Variants in PCDH15 observed in about 807,000 individuals in gnomAD.
PCDH15 encodes protocadherin related 15.
Under a neutral mutation model 178.5 loss-of-function variants are expected in PCDH15, and 129 were observed. The ratio of observed to expected loss-of-function variants is 0.72; its 90% CI spans 0.63 to 0.84. PCDH15 has a LOEUF of 0.84. PCDH15 is among the 40% of genes least tolerant of loss of function. The probability of loss-of-function intolerance (pLI) is 0.00; values close to 1 mark genes in which losing one functional copy is unlikely to be tolerated. For missense variants in PCDH15, 2,230 were observed against 2,099.9 expected (o/e 1.06, Z -1.21); for synonymous variants, 800 against 732.0 (o/e 1.09, Z -1.50).
chr10:54,393,981 T>C (rs539681366), intron 3 of PCDH15, among the ~76,000 whole-genome samples: 2 of 150,706 alleles, frequency 1.3e-5, no homozygotes, highest in East Asian at 3.9e-4. Flanking sequence ...TGTTTTAGGA[T>C]GGTGAAGGAA....
intron 3 of PCDH15, among the ~76,000 whole-genome samples, chr10:54,460,541 A>T (rs1417558402): frequency 1.3e-5 from 2 of 152,108 alleles, no homozygotes; most frequent in African/African-American, 4.8e-5. Flanking sequence ...AACACCAAGA[A>T]ATAAGCAAGT....
intron 2 of PCDH15, among the ~76,000 whole-genome samples, chr10:55,092,028 T>C (rs1197580454): frequency 6.6e-6 from 1 of 151,908 alleles, no homozygotes; most frequent in Admixed American, 6.6e-5. Context: ...CATTCCATTT[T>C]TCACAGAAAT....
At chr10:54,644,774 A>G (rs1013302656) in intron 2 of PCDH15, among the ~76,000 whole-genome samples, 4 of 152,190 alleles carry the variant, frequency 2.6e-5, no homozygotes, top group Non-Finnish European at 5.9e-5. Context: ...TTAAACATCA[A>G]TGCAACAACA....
intron 2 of PCDH15, among the ~76,000 whole-genome samples, chr10:55,123,066 G>C (rs1837812410): frequency 6.6e-6 from 1 of 151,904 alleles, no homozygotes; most frequent in African/African-American, 2.4e-5. Flanking sequence ...ATGGAAAAAG[G>C]TAGGATATCT....
intron 2 of PCDH15, among the ~76,000 whole-genome samples, chr10:54,657,808 T>C (rs1246219435): frequency 6.6e-6 from 1 of 152,194 alleles, no homozygotes; most frequent in Non-Finnish European, 1.5e-5. Context: ...GTAGAGTGTT[T>C]TGACATCTCT....
At chr10:53,916,076 C>T (rs1198721706) in intron 25 of PCDH15, among the ~76,000 whole-genome samples, 1 of 152,122 alleles carries the variant, frequency 6.6e-6, no homozygotes, top group African/African-American at 2.4e-5. Flanking sequence ...CTCCAGATAA[C>T]TTATAATACC....
At chr10:54,800,424 A>G (rs1952549935) in intron 1 of PCDH15, among the ~76,000 whole-genome samples, 1 of 152,180 alleles carries the variant, frequency 6.6e-6, no homozygotes, top group Non-Finnish European at 1.5e-5. Flanking sequence ...TATACTCACA[A>G]AAGACAAAAA....
rs1491229343 is a variant in PCDH15 at position 54,731,564 on chromosome 10, A to ATATATATATG, written c.-28-67275_-28-67274insCATATATATA. ...GAGATAGATATATATATATATATATACACACACACACACACACACACACAC... is the reference window on the plus strand; with the variant it reads ...GAGATAGATATATATATATATATATATATATATATGCACACACACACACACACACACACAC... On this transcript the variant is annotated intron_variant, in intron 1 of 37. Coordinates refer to ENST00000644397, the MANE Select transcript of PCDH15 (RefSeq NM_001384140.1). Among the ~76,000 whole-genome samples, 64 of 43,350 alleles carry ATATATATATG rather than the reference A, an allele frequency of 1.5e-3. 4 individuals are homozygous for ATATATATATG. The East Asian group carries it at 0.025, about 17-fold the overall frequency. 28.4% of individuals were successfully genotyped at this position (43,350 alleles called of 152,430 possible). A position where few individuals can be genotyped will look rare whatever the true frequency, so the allele number is the denominator to read the frequency against.
intron 1 of PCDH15, among the ~76,000 whole-genome samples, chr10:54,793,839 T>A (rs1230974680): frequency 6.7e-6 from 1 of 148,976 alleles, no homozygotes; most frequent in African/African-American, 2.4e-5. Context: ...ATATCTTGAA[T>A]CAGTAAATCA....
chr10:55,196,636 T>G (rs1168430085), intron 1 of PCDH15, among the ~76,000 whole-genome samples: 1 of 152,092 alleles, frequency 6.6e-6, no homozygotes, highest in Non-Finnish European at 1.5e-5. Context: ...TGTAATTAAA[T>G]CACATGCTAT....
At chr10:53,822,421 G>A (rs777907530) in intron 32 of PCDH15, 6 of 1,584,284 alleles carry the variant, frequency 3.8e-6, no homozygotes, top group Non-Finnish European at 5.1e-6. Context: ...GAAATGTCAG[G>A]AGGAGGAGCA....
intron 2 of PCDH15, among the ~76,000 whole-genome samples, chr10:54,594,556 A>G (rs2133979531): frequency 6.6e-6 from 1 of 152,104 alleles, no homozygotes; most frequent in Non-Finnish European, 1.5e-5. Context: ...AGAAGAGCAA[A>G]CCCTGTGTAT....
At chr10:54,185,315 G>A (rs764282305) in intron 11 of PCDH15, 47 bp from the exon 12 acceptor site, 14 of 1,604,556 alleles carry the variant, frequency 8.7e-6, no homozygotes, top group South Asian at 1.1e-5. Flanking sequence ...AAATAATGTA[G>A]CTATTAGTTC....
chr10:53,806,707 C>T lies in PCDH15; in HGVS notation c.5095G>A (p.Glu1699Lys). The T allele has an allele frequency of 6.2e-7, 1 of 1,613,854 alleles. No homozygotes were observed. Among genetic ancestry groups the T allele is most frequent in the Non-Finnish European group, 8.5e-7 (1 of 1,179,808 alleles). ...ATGTTCTTACTGTCAATCATGGACT[C>T]CTGTTCAACTGTGCTTTTCAGCCTG... Reference protein sequence around the residue: ...RNRLKSTVEQESMIDSKNIKE... With the variant: ...RNRLKSTVEQKSMIDSKNIKE... Residue 1699 changes from glutamate to lysine, a missense_variant, in exon 38 of 38, where the codon GAG (glutamate) becomes AAG (lysine). Glu to Lys is a moderately conservative substitution (Grantham distance 56). Transcript: ENST00000644397.
intron 2 of PCDH15, among the ~76,000 whole-genome samples, chr10:55,357,802 A>G (rs1419020367): frequency 1.3e-5 from 2 of 152,030 alleles, no homozygotes; most frequent in Admixed American, 1.3e-4. Context: ...TGTTAATCCT[A>G]AATAAAAAGT....
At chr10:55,282,196 C>T (rs1842752219) in intron 1 of PCDH15, among the ~76,000 whole-genome samples, 1 of 152,190 alleles carries the variant, frequency 6.6e-6, no homozygotes, top group African/African-American at 2.4e-5. Flanking sequence ...CACTTCCTGA[C>T]CTCTAGCCAT....
rs1948063559 is a variant in PCDH15 at position 54,374,045 on chromosome 10, GAC to G, written c.318+4735_318+4736del. ...ATCTTGAATCTAGCAAAACTCAAGAGACAGATAGAAAACAGTTTGCAATGAAA... is the reference window on the plus strand; with the variant it reads ...ATCTTGAATCTAGCAAAACTCAAGAGAGATAGAAAACAGTTTGCAATGAAA... On this transcript the variant is annotated intron_variant, in intron 4 of 37. Transcript: ENST00000644397. Among the ~76,000 whole-genome samples the G allele has an allele frequency of 2.6e-5, 4 of 152,170 alleles. 1 individual carries two copies. In the South Asian group the frequency reaches 8.3e-4, roughly 32 times the overall value.
chr10:54,007,161 A>G (rs2092414547), intron 20 of PCDH15, among the ~76,000 whole-genome samples: 1 of 152,238 alleles, frequency 6.6e-6, no homozygotes, highest in Non-Finnish European at 1.5e-5. Flanking sequence ...TGTATTTTCT[A>G]TATTATGTTA....
chr10:54,558,181 G>T (rs1281417081), intron 2 of PCDH15, among the ~76,000 whole-genome samples: 1 of 152,072 alleles, frequency 6.6e-6, no homozygotes, highest in Non-Finnish European at 1.5e-5. Context: ...CTCCAGCTTA[G>T]GTTGAAAAAT....
Sources: gnomAD v4.1 joint callset for allele counts (sites outside exome capture counted in the v4.1 genomes callset) on GRCh38, gnomAD v4.1.1 for gene constraint, MANE v1.5 for transcripts, NCBI Gene and HGNC (gene_info 2026-07-23, HGNC 2026-07-21) for gene names.